SLC27A2: variants seen among roughly 807,000 people sequenced by gnomAD.
The protein encoded by SLC27A2 is long-chain fatty acid transport protein 2.
SLC27A2 carries 54 observed loss-of-function variants against 60.0 expected under a neutral mutation model. That is an observed-to-expected ratio of 0.90 (90% CI 0.72 to 1.13). The LOEUF (loss-of-function observed/expected upper bound fraction) is 1.13. Among genes scored for constraint, SLC27A2 ranks in the 50% most tolerant of loss-of-function variants. The probability of loss-of-function intolerance (pLI) is 0.00; values close to 1 mark genes in which losing one functional copy is unlikely to be tolerated. For synonymous variants in SLC27A2, 297 were observed against 297.6 expected (o/e 1.00, Z 0.02); for missense variants, 739 against 777.6 (o/e 0.95, Z 0.59).
intron 4 of SLC27A2, among the ~76,000 whole-genome samples, chr15:50,208,309 A>C (rs1226522361): frequency 3.3e-5 from 5 of 152,220 alleles, no homozygotes; most frequent in Non-Finnish European, 5.9e-5. Context: ...TGCTCAGGTC[A>C]GTGGTTCAGA....
intron 1 of SLC27A2, among the ~76,000 whole-genome samples, chr15:50,188,920 A>G (rs770162738): frequency 1.6e-4 from 24 of 152,286 alleles, no homozygotes; most frequent in Non-Finnish European, 2.9e-4. Context: ...AGATCACACT[A>G]CTGCATTCCA....
chr15:50,183,436 C>G (rs1209183407), intron 1 of SLC27A2, among the ~76,000 whole-genome samples: 2 of 152,114 alleles, frequency 1.3e-5, no homozygotes, highest in Non-Finnish European at 2.9e-5. Context: ...GCTTCCAGCT[C>G]TCAACTGCTG....
chr15:50,234,782 C>G (rs1000400053), intron 9 of SLC27A2, among the ~76,000 whole-genome samples: 4 of 151,970 alleles, frequency 2.6e-5, no homozygotes, highest in Non-Finnish European at 5.9e-5. Flanking sequence ...CAGAAAACAG[C>G]TAGAAGAAAT....
intron 9 of SLC27A2, among the ~76,000 whole-genome samples, chr15:50,234,239 A>C (rs552765085): frequency 1.3e-5 from 2 of 152,208 alleles, no homozygotes; most frequent in African/African-American, 4.8e-5. Context: ...TGAGCTCAGG[A>C]GTTTGAGACC....
rs1567437243 is a variant in SLC27A2 at position 50,225,975 on chromosome 15, T to C, written c.1168-13T>C. The C allele has an allele frequency of 3.3e-6, 5 of 1,500,034 alleles. No homozygotes were observed. Among genetic ancestry groups the C allele is most frequent in the Non-Finnish European group, 3.7e-6 (4 of 1,080,692 alleles). The allele number at this position is 1,500,034 out of a possible 1,614,324, so 92.9% of individuals were successfully genotyped here. A position where few individuals can be genotyped will look rare whatever the true frequency, so the allele number is the denominator to read the frequency against. On this transcript the variant is annotated splice_polypyrimidine_tract_variant and intron_variant, in intron 5 of 9. Coordinates refer to ENST00000267842, the MANE Select transcript of SLC27A2 (RefSeq NM_003645.4). ...TAAAAGATTTATACTCAAAATTATTTTAATCTTGCTAGAAAATCATAACTT... is the reference window on the plus strand; with the variant it reads ...TAAAAGATTTATACTCAAAATTATTCTAATCTTGCTAGAAAATCATAACTT...
rs2045332042 is a variant in SLC27A2 at position 50,233,915 on chromosome 15, C to T, written c.1603C>T (p.His535Tyr). The T allele has an allele frequency of 6.2e-7, 1 of 1,613,708 alleles. No individual in the cohort carries two copies. The highest frequency in any genetic ancestry group is 1.1e-5 in the South Asian group (1 of 91,066). The change falls in exon 9 of 10, where the codon CAT becomes TAT. Residue 535 changes from histidine (H) to tyrosine (Y), a missense_variant. By Grantham distance (83) the His-to-Tyr change is moderately conservative. Transcript: ENST00000267842. The stretch of plus-strand genomic sequence containing the variant: ...GGCCTCCATCAAAATGAAAGAAAAC[C>T]ATGAATTTGATGGAAAGAAACTCTT... ...GMASIKMKEN[H>Y]EFDGKKLFQH...
At chr15:50,196,682 T>C (rs752797913) in intron 1 of SLC27A2, among the ~76,000 whole-genome samples, 1 of 152,242 alleles carries the variant, frequency 6.6e-6, no homozygotes, top group African/African-American at 2.4e-5. Context: ...TCAGTTTAAA[T>C]GATTTTAACA....
chr15:50,234,587 CAAAAAAAAAAA>C (rs767076726), intron 9 of SLC27A2, among the ~76,000 whole-genome samples: 1 of 61,556 alleles, frequency 1.6e-5, no homozygotes, highest in Non-Finnish European at 3.6e-5. Context: ...ACTCCATCTC[CAAAAAAAAAAA>C]AAAAAAAAAA....
intron 5 of SLC27A2, among the ~76,000 whole-genome samples, 174 bp downstream of exon 5, chr15:50,223,333 G>C (rs1258926399): frequency 1.3e-5 from 2 of 152,202 alleles, no homozygotes; most frequent in African/African-American, 4.8e-5. Context: ...CAAAAAATCA[G>C]ATCCTCCAAT....
chr15:50,190,097 G>A (rs1471858370), intron 1 of SLC27A2, among the ~76,000 whole-genome samples: 1 of 152,108 alleles, frequency 6.6e-6, no homozygotes, highest in Non-Finnish European at 1.5e-5. Flanking sequence ...GCACATGCAT[G>A]TCTCTCTCTC....
At chr15:50,207,950 T>G (rs1164331317) in intron 4 of SLC27A2, among the ~76,000 whole-genome samples, 2 of 142,774 alleles carry the variant, frequency 1.4e-5, no homozygotes, top group East Asian at 2.1e-4. Context: ...AAAAAGACTT[T>G]GCAAAAAAAA....
chr15:50,235,481 C>T lies in SLC27A2; in HGVS notation c.1687-439C>T, dbSNP rs558078440. 4.6e-5 allele frequency among the ~76,000 whole-genome samples: 7 copies of T among 152,290 alleles called. No individual in the cohort carries two copies. In the South Asian group the frequency reaches 1.5e-3, roughly 32 times the overall value. Reference sequence around the variant, plus strand: ...CTCATCCTTGGCAGGTCCTCCCTCCCCACAGGTGATCCTAAAGCTTTAAGG... The same window carrying T: ...CTCATCCTTGGCAGGTCCTCCCTCCTCACAGGTGATCCTAAAGCTTTAAGG... On this transcript the variant is annotated intron_variant, in intron 9 of 9. Transcript: ENST00000267842.
At chr15:50,191,080 A>C (rs148615938) in intron 1 of SLC27A2, 1 of 152,208 alleles carries the variant, frequency 6.6e-6, no homozygotes, top group Non-Finnish European at 1.5e-5. Flanking sequence ...TTCATTTTGC[A>C]TGTGACCCTC....
chr15:50,204,752 GAGCA>G (rs2045096764), intron 3 of SLC27A2, among the ~76,000 whole-genome samples: 1 of 150,230 alleles, frequency 6.7e-6, no homozygotes, highest in Non-Finnish European at 1.5e-5. Flanking sequence ...AAAAAAAATA[GAGCA>G]AGACTCTGTC....
At chr15:50,233,155 C>A (rs1567439526) in intron 8 of SLC27A2, among the ~76,000 whole-genome samples, 1 of 152,150 alleles carries the variant, frequency 6.6e-6, no homozygotes, top group Non-Finnish European at 1.5e-5. Context: ...AATGGGAGGG[C>A]ACAAAACAGC....
intron 2 of SLC27A2, among the ~76,000 whole-genome samples, chr15:50,201,935 T>C (rs2045067806): frequency 6.6e-6 from 1 of 152,228 alleles, no homozygotes; most frequent in Non-Finnish European, 1.5e-5. Flanking sequence ...AAAATAACTC[T>C]AGTACGTAAG....
At position 50,209,512 on chromosome 15, in the gene SLC27A2, C is replaced by G. The variant is rs573950197; in HGVS notation, c.972+4149C>G. Among the ~76,000 whole-genome samples the G allele has an allele frequency of 4.6e-5, 7 of 152,188 alleles. No individual in the cohort carries two copies. The East Asian group carries it at 1.4e-3, about 30-fold the overall frequency. ...GCAGTGAGATGAAGGACCCAGCACA[C>G]TGGGAACTGCAAGCAGTCTGGCAGG... On this transcript the variant is annotated intron_variant, in intron 4 of 9. Coordinates refer to ENST00000267842, the MANE Select transcript of SLC27A2 (RefSeq NM_003645.4).
chr15:50,213,920 A>G (rs1030518834), intron 4 of SLC27A2, among the ~76,000 whole-genome samples: 4 of 152,020 alleles, frequency 2.6e-5, no homozygotes, highest in African/African-American at 9.7e-5. Context: ...ACAAGAACAA[A>G]CCAAACCCAA....
intron 4 of SLC27A2, among the ~76,000 whole-genome samples, chr15:50,212,451 A>G (rs71469685): frequency 6.6e-6 from 1 of 152,248 alleles, no homozygotes; most frequent in Non-Finnish European, 1.5e-5. Context: ...ACACCTGGGA[A>G]ATTCATCACA....
Sources: allele counts gnomAD v4.1 joint callset (sites outside exome capture counted in the v4.1 genomes callset), GRCh38; gene constraint gnomAD v4.1.1; transcripts MANE v1.5; gene names NCBI Gene and HGNC (gene_info 2026-07-23, HGNC 2026-07-21).